The following KIF18A variants were observed in gnomAD, a reference collection of about 807,000 sequenced individuals.
The protein encoded by KIF18A is kinesin family member 18A.
In KIF18A, 67 loss-of-function variants were observed where a neutral mutation model predicts 103.3. That is an observed-to-expected ratio of 0.65 (90% CI 0.53 to 0.79). KIF18A has a LOEUF of 0.79. KIF18A is among the 30% of genes least tolerant of loss of function. The pLI is 0.00. For synonymous variants in KIF18A, 367 were observed against 355.5 expected (o/e 1.03, Z -0.36); for missense variants, 1,032 against 1,062.5 (o/e 0.97, Z 0.40).
intron 13 of KIF18A, among the ~76,000 whole-genome samples, chr11:28,045,929 A>C (rs1430910683): frequency 6.6e-6 from 1 of 151,764 alleles, no homozygotes; most frequent in Non-Finnish European, 1.5e-5. Context: ...TGCAGCCAAA[A>C]AACACATGAA....
At chr11:28,087,157 C>T (rs892744786) in intron 6 of KIF18A, among the ~76,000 whole-genome samples, 18 of 152,040 alleles carry the variant, frequency 1.2e-4, no homozygotes, top group Non-Finnish European at 2.9e-5. Flanking sequence ...ATACATGTGC[C>T]ATGGTGGTTT....
At chr11:28,052,878 T>A (rs928272662) in intron 13 of KIF18A, among the ~76,000 whole-genome samples, 3 of 151,760 alleles carry the variant, frequency 2.0e-5, no homozygotes, top group Non-Finnish European at 2.9e-5. Flanking sequence ...GATGACTATA[T>A]CAGAAAAATG....
chr11:28,037,637 T>C (rs1345562036), intron 13 of KIF18A, among the ~76,000 whole-genome samples: 1 of 151,478 alleles, frequency 6.6e-6, no homozygotes, highest in African/African-American at 2.4e-5. Context: ...CTGATTTGTC[T>C]CCTGTATCAT....
At chr11:28,098,881 A>G (rs1175214191) in intron 1 of KIF18A, among the ~76,000 whole-genome samples, 1 of 151,824 alleles carries the variant, frequency 6.6e-6, no homozygotes, top group African/African-American at 2.4e-5. Flanking sequence ...CAAAAAGACA[A>G]AAAAAAACCA....
intron 7 of KIF18A, among the ~76,000 whole-genome samples, chr11:28,084,080 AATT>A (rs1389880392): frequency 6.6e-6 from 1 of 152,096 alleles, no homozygotes; most frequent in African/African-American, 2.4e-5. Context: ...TAATGTAACC[AATT>A]ATTATTATTA....
chr11:28,097,737 C>G lies in KIF18A; in HGVS notation c.211G>C (p.Asp71His). The change falls in exon 2 of 17, where the codon GAT becomes CAT. Residue 71 changes from aspartate to histidine, a missense_variant. Physicochemically the swap from Asp to His is moderately conservative, Grantham distance 81 (BLOSUM62 -1). Coordinates refer to ENST00000263181, the MANE Select transcript of KIF18A (RefSeq NM_031217.4). Reference sequence around the variant, plus strand: ...ACAGCATCAAATACAAATTTAAGATCCTTATTTTGTTTCTTTATAACATTT... The same window carrying G: ...ACAGCATCAAATACAAATTTAAGATGCTTATTTTGTTTCTTTATAACATTT... ...NQNVIKKQNK[D>H]LKFVFDAVFD... 2.5e-6 allele frequency: 4 copies of G among 1,610,644 alleles called. No individual in the cohort carries two copies. The highest frequency in any genetic ancestry group is 2.5e-6 in the Non-Finnish European group (3 of 1,177,442).
intron 9 of KIF18A, among the ~76,000 whole-genome samples, chr11:28,082,232 T>C (rs973291482): frequency 6.6e-6 from 1 of 152,124 alleles, no homozygotes; most frequent in Non-Finnish European, 1.5e-5. Flanking sequence ...GAAAAGATTG[T>C]CTCAAATTTT....
chr11:28,058,054 ATAAAAT>A (rs1850804825), intron 13 of KIF18A, among the ~76,000 whole-genome samples: 1 of 152,176 alleles, frequency 6.6e-6, no homozygotes, highest in Non-Finnish European at 1.5e-5. Context: ...GAGATAGGGC[ATAAAAT>A]TGAGGTTCTG....
chr11:28,080,595 A>C (rs969205446), intron 9 of KIF18A, among the ~76,000 whole-genome samples: 1 of 152,008 alleles, frequency 6.6e-6, no homozygotes, highest in Non-Finnish European at 1.5e-5. Flanking sequence ...AAACTTAATC[A>C]AGTGTTGTGT....
chr11:28,069,368 A>G lies in KIF18A; in HGVS notation c.1481T>C (p.Leu494Pro). 1 of 1,613,622 alleles carries G rather than the reference A, an allele frequency of 6.2e-7. No individual in the cohort carries two copies. The highest frequency in any genetic ancestry group is 2.2e-5 in the East Asian group (1 of 44,828). The change falls in exon 11 of 17, where the codon CTG becomes CCG. Residue 494 changes from leucine to proline, a missense_variant. Physicochemically the swap from Leu to Pro is moderately conservative, Grantham distance 98. Transcript: ENST00000263181. ...LAMLKTRRSYLEKRREEELKQ... is the reference protein window; with the variant it reads ...LAMLKTRRSYPEKRREEELKQ... ...CAATTCCTCCTCCCTCCTTTTCTCC[A>G]GGTAGGAGCGACGAGTTTTCAACAT... is the stretch of plus-strand genomic sequence containing the variant.
At position 28,058,962 on chromosome 11, in the gene KIF18A, A is replaced by G. The variant is rs1333212836; in HGVS notation, c.1912T>C (p.Phe638Leu). ...DLPGISVLMTFPQLGPVQPIP... is the reference protein window; with the variant it reads ...DLPGISVLMTLPQLGPVQPIP... ...GGCTGAACTGGTCCAAGTTGTGGAA[A>G]GGTCATAAGAACAGAAATCCCTGGT... The change falls in exon 13 of 17, where the codon TTT (phenylalanine) becomes CTT (leucine). Residue 638 changes from phenylalanine (F) to leucine (L), a missense_variant. Transcript: ENST00000263181. 4 of 1,613,972 alleles carry G rather than the reference A, an allele frequency of 2.5e-6. No homozygotes were observed. The African/African-American group carries it at 4.0e-5, about 16-fold the overall frequency.
rs554362121 is a variant in KIF18A at position 28,070,471 on chromosome 11, A to G, written c.1426-1048T>C. Among the ~76,000 whole-genome samples, 36 of 152,320 alleles carry G rather than the reference A, an allele frequency of 2.4e-4. No homozygotes were observed. In the East Asian group the frequency reaches 6.4e-3, roughly 27 times the overall value. On this transcript the variant is annotated intron_variant, in intron 10 of 16. Transcript: ENST00000263181. ...CTTACCTTCCCCTCAAGGGAAATAC[A>G]AGAGTCAGAGAGAAGCAGATTCCAT...
chr11:28,105,101 T>C (rs1851488317), intron 1 of KIF18A, among the ~76,000 whole-genome samples: 1 of 151,878 alleles, frequency 6.6e-6, no homozygotes, highest in Non-Finnish European at 1.5e-5. Flanking sequence ...TAAGTTATAT[T>C]TTCTATTGAG....
Position 28,069,434 on chromosome 11 carries a change from A to G in KIF18A, c.1426-11T>C, listed in dbSNP as rs752462709. On this transcript the variant is annotated splice_polypyrimidine_tract_variant and intron_variant, in intron 10 of 16. Coordinates refer to ENST00000263181, the MANE Select transcript of KIF18A (RefSeq NM_031217.4). ...TCGTTTTCCAGTGGCCTGAAACACG[A>G]TTCATTTAACAGTAAATCTAATTTT... The G allele has an allele frequency of 2.5e-5, 41 of 1,609,102 alleles. No homozygotes were observed. Among genetic ancestry groups the G allele is most frequent in the Non-Finnish European group, 3.4e-5 (40 of 1,178,114 alleles).
chr11:28,097,381 G>T lies in KIF18A; in HGVS notation c.325+242C>A. The T allele has an allele frequency of 6.9e-6, 3 of 436,154 alleles. No individual in the cohort carries two copies. The South Asian group carries it at 8.9e-5, about 13-fold the overall frequency. 27.0% of individuals were successfully genotyped at this position (436,154 alleles called of 1,614,324 possible). A position where few individuals can be genotyped will look rare whatever the true frequency, so the allele number is the denominator to read the frequency against. ...AATAACATAGGCAACTGAAAGGACAGATGTCTATAGGGGCCACAGTAAGGC... is the reference window on the plus strand; with the variant it reads ...AATAACATAGGCAACTGAAAGGACATATGTCTATAGGGGCCACAGTAAGGC... On this transcript the variant is annotated intron_variant, in intron 2 of 16. Transcript: ENST00000263181.
At chr11:28,021,691 A>G (rs1004767091) in intron 16 of KIF18A, among the ~76,000 whole-genome samples, 37 of 152,142 alleles carry the variant, frequency 2.4e-4, no homozygotes, top group Admixed American at 2.0e-3. Context: ...TTCCAATTTT[A>G]AAATTATCAT....
At position 28,059,035 on chromosome 11, in the gene KIF18A, C is replaced by G; in HGVS notation, c.1839G>C (p.Val613=). ...CGGCAGTTTGGTCAGCCCAAACTAC[C>G]ACTTTTTTCCTCTCTACCAAATGTT... ...EIEHLVERKK[V]VVWADQTAEQ... The change falls in exon 13 of 17, where the codon GTG becomes GTC. Residue 613 remains valine, a synonymous_variant. Coordinates refer to ENST00000263181, the MANE Select transcript of KIF18A (RefSeq NM_031217.4). 1 of 1,614,048 alleles carries G rather than the reference C, an allele frequency of 6.2e-7. No homozygotes were observed. Among genetic ancestry groups the G allele is most frequent in the African/African-American group, 1.3e-5 (1 of 75,018 alleles).
intron 10 of KIF18A, among the ~76,000 whole-genome samples, chr11:28,073,091 T>C (rs1389335351): frequency 6.6e-6 from 1 of 152,100 alleles, no homozygotes; most frequent in Non-Finnish European, 1.5e-5. Flanking sequence ...CCCAATCTAT[T>C]GTTAATAATT....
At chr11:28,031,765 G>A (rs756333985) in intron 15 of KIF18A, among the ~76,000 whole-genome samples, 8 of 151,680 alleles carry the variant, frequency 5.3e-5, no homozygotes, top group African/African-American at 1.2e-4. Context: ...CCCACAGCTG[G>A]TACTATCCTG....
Sources: gnomAD v4.1 joint callset for allele counts (sites outside exome capture counted in the v4.1 genomes callset) on GRCh38, gnomAD v4.1.1 for gene constraint, MANE v1.5 for transcripts, NCBI Gene and HGNC (gene_info 2026-07-23, HGNC 2026-07-21) for gene names.